NLRP7: variants seen among roughly 807,000 people sequenced by gnomAD.
The protein encoded by NLRP7 is NACHT, LRR and PYD domains-containing protein 7.
Under a neutral mutation model 85.5 loss-of-function variants are expected in NLRP7, and 72 were observed. The ratio of observed to expected loss-of-function variants is 0.84; its 90% CI spans 0.70 to 1.02. The LOEUF is 1.02. NLRP7 is among the 50% of genes least tolerant of loss of function. The pLI, the probability that NLRP7 is intolerant of heterozygous loss-of-function variation, is 0.00. For synonymous variants in NLRP7, 550 were observed against 505.2 expected (o/e 1.09, Z -1.19); for missense variants, 1,243 against 1,219.5 (o/e 1.02, Z -0.29).
chr19:54,947,786 G>C (rs571055403), upstream of NLRP7: 1 of 548,818 alleles, frequency 1.8e-6, no homozygotes, highest in East Asian at 6.8e-5. Flanking sequence ...GGTGTGATAG[G>C]CGACAGAACA....
At position 54,936,254 on chromosome 19, in the gene NLRP7, G is replaced by C. The variant is rs375636234; in HGVS notation, c.2300+7C>G. On this transcript the variant is annotated splice_region_variant and intron_variant, in intron 6 of 9. Coordinates refer to ENST00000340844, the Ensembl canonical transcript of NLRP7. ...GTGCTGGGGAGAGCCGTGACCGTGA[G>C]ACCCACCTCAGGTACTGCAGGTTGC... 6.2e-7 allele frequency: 1 copy of C among 1,612,080 alleles called. No homozygotes were observed. Among genetic ancestry groups the C allele is most frequent in the Non-Finnish European group, 8.5e-7 (1 of 1,179,376 alleles).
chr19:54,963,464 C>T (rs2070137453), intron 1 of NLRP7, among the ~76,000 whole-genome samples: 1 of 151,718 alleles, frequency 6.6e-6, no homozygotes, highest in African/African-American at 2.4e-5. Context: ...CCGAGGCGGG[C>T]GGATCACGAG....
In NLRP7 at chr19:54,938,966, TG is replaced by T. The variant is rs754876901; in HGVS notation, c.1852del (p.Gln618ArgfsTer7). 1.9e-6 allele frequency: 3 copies of T among 1,614,184 alleles called. No homozygotes were observed. The highest frequency in any genetic ancestry group is 2.5e-6 in the Non-Finnish European group (3 of 1,179,992). ...CTTTGCTACCTGCAGTGAGAGTTTC[TG>T]CAAGTCTTGACAATGCTTCAGGCTG... is the stretch of plus-strand genomic sequence containing the variant. On this transcript the variant is annotated frameshift_variant, in exon 4 of 10. Transcript: ENST00000340844. LOFTEE classifies it high-confidence loss of function.
At position 54,923,625 on chromosome 19, in the gene NLRP7, C is replaced by T. The variant is rs552908115; in HGVS notation, c.*115G>A. 38 of 1,217,664 alleles carry T rather than the reference C, an allele frequency of 3.1e-5. No homozygotes were observed. In the South Asian group the frequency reaches 4.0e-4, roughly 13 times the overall value. 75.4% of individuals were successfully genotyped at this position (1,217,664 alleles called of 1,614,324 possible). A position where few individuals can be genotyped will look rare whatever the true frequency, so the allele number is the denominator to read the frequency against. ...AATAGTGAGAAAACCAGTGTCAAAT[C>T]CTACCTCTCGACAGACTCTAGTGTT... On this transcript the variant is annotated 3_prime_UTR_variant, in exon 10 of 10. Transcript: ENST00000340844.
At chr19:54,951,550 TCAAAAAA>T (rs952527217), upstream of NLRP7, among the ~76,000 whole-genome samples, 30 of 151,718 alleles carry the variant, frequency 2.0e-4, no homozygotes, top group African/African-American at 7.0e-4. Context: ...AGACTCCATC[TCAAAAAA>T]CAAAAAACAA....
chr19:54,939,563 G>C, exon 4 of NLRP7: 1 of 1,612,586 alleles, frequency 6.2e-7, no homozygotes, highest in Non-Finnish European at 8.5e-7. Context: ...GCCCTGCGCG[G>C]CCAGGAGGCT....
At chr19:54,963,524 C>T (rs1175844105) in intron 1 of NLRP7, among the ~76,000 whole-genome samples, 1 of 151,594 alleles carries the variant, frequency 6.6e-6, no homozygotes, top group Non-Finnish European at 1.5e-5. Flanking sequence ...CCCATCTCTA[C>T]TAAAAATACA....
intron 1 of NLRP7, among the ~76,000 whole-genome samples, chr19:54,956,618 C>T (rs958945871): frequency 1.3e-5 from 2 of 149,798 alleles, no homozygotes; most frequent in Admixed American, 6.7e-5. Context: ...CACTTGAACC[C>T]GGGAGGCGGA....
intron 1 of NLRP7, among the ~76,000 whole-genome samples, chr19:54,955,431 A>G (rs1214906164): frequency 6.6e-6 from 1 of 152,224 alleles, no homozygotes; most frequent in East Asian, 1.9e-4. Context: ...AACTTTGGGC[A>G]GCCCAGGTAG....
intron 8 of NLRP7, among the ~76,000 whole-genome samples, chr19:54,930,944 A>T (rs892448853): frequency 6.6e-6 from 1 of 152,024 alleles, no homozygotes; most frequent in Non-Finnish European, 1.5e-5. Context: ...AATCGCTTGA[A>T]TCCGGGAGGC....
chr19:54,962,604 G>A, intron 1 of NLRP7, among the ~76,000 whole-genome samples: 1 of 145,132 alleles, frequency 6.9e-6, no homozygotes, highest in African/African-American at 2.5e-5. Flanking sequence ...TTTCTTTTTT[G>A]TTTGTTTGTT....
intron 8 of NLRP7, among the ~76,000 whole-genome samples, chr19:54,932,120 CTGTT>C (rs760004565): frequency 1.3e-5 from 2 of 152,052 alleles, no homozygotes; most frequent in African/African-American, 2.4e-5. Flanking sequence ...AGGTAGGTGA[CTGTT>C]TGTTTAACAA....
rs55704982 is a variant in NLRP7, at chr19:54,941,381, CAAAAAAAAAAAAAAA to C, written c.277+39_277+53del. The C allele has an allele frequency of 1.4e-3, 969 of 685,164 alleles. 15 individuals carry two copies. In the African/African-American group the frequency reaches 0.025, roughly 18 times the overall value. The allele number at this position is 685,164 out of a possible 1,614,324, so 42.4% of individuals were successfully genotyped here. A position where few individuals can be genotyped will look rare whatever the true frequency, so the allele number is the denominator to read the frequency against. ...TGGGCGACAGAACGAGACTCCATCTCAAAAAAAAAAAAAAAAAAAAAAAAATGACCAGGACACCCC... is the reference window on the plus strand; with the variant it reads ...TGGGCGACAGAACGAGACTCCATCTCAAAAAAAAAATGACCAGGACACCCC... On this transcript the variant is annotated intron_variant, in intron 2 of 9. Transcript: ENST00000340844.
chr19:54,962,706 TCTC>T (rs1183237105), intron 1 of NLRP7, among the ~76,000 whole-genome samples: 3 of 150,808 alleles, frequency 2.0e-5, no homozygotes, highest in African/African-American at 7.3e-5. Context: ...TTCACGCCAT[TCTC>T]CTGCCTCAGC....
In NLRP7 at chr19:54,934,461, G is replaced by T. The variant is rs2068809926; in HGVS notation, c.2471+28C>A. ...CTTCTATAGCCCCAGAACTAAACCA[G>T]AGCTGCCCATGGGAAGAGGAGACTT... is the stretch of plus-strand genomic sequence containing the variant. On this transcript the variant is annotated intron_variant, in intron 7 of 9. Transcript: ENST00000340844. The surrounding 1 kb of genome is among the most constrained non-coding windows in gnomAD (Gnocchi z 6.7). 6.2e-7 allele frequency: 1 copy of T among 1,612,886 alleles called. No homozygotes were observed. The highest frequency in any genetic ancestry group is 1.1e-5 in the South Asian group (1 of 91,042).
rs1035580779 is a variant in NLRP7 at position 54,945,745 on chromosome 19, C to T, written c.-40+1724G>A. On this transcript the variant is annotated intron_variant, in intron 1 of 9. Transcript: ENST00000340844. Reference sequence around the variant, plus strand: ...TCTCAAGAAGCTGGGATTACAGGCGCACCGCATCACGCCGGGCTAGTTTTT... The same window carrying T: ...TCTCAAGAAGCTGGGATTACAGGCGTACCGCATCACGCCGGGCTAGTTTTT... 2.6e-5 allele frequency among the ~76,000 whole-genome samples: 4 copies of T among 151,554 alleles called. No homozygotes were observed. The East Asian group carries it at 5.8e-4, about 22-fold the overall frequency.
rs752034667 is a variant in NLRP7 at position 54,956,200 on chromosome 19, C to CAAGG, written c.-76-8699_-76-8696dup. On this transcript the variant is annotated intron_variant, in intron 1 of 2. Transcript: ENST00000587103. Reference sequence around the variant, plus strand: ...GGGAAAGGAAGTCAGTCTTGTGGGACAAGGAAGGAAGGAAGGAAGTCAGTC... The same window carrying CAAGG: ...GGGAAAGGAAGTCAGTCTTGTGGGACAAGGAAGGAAGGAAGGAAGGAAGTCAGTC... Among the ~76,000 whole-genome samples, 23 of 151,568 alleles carry CAAGG rather than the reference C, an allele frequency of 1.5e-4. No individual in the cohort carries two copies. The East Asian group carries it at 3.9e-3, about 26-fold the overall frequency.
intron 1 of NLRP7, among the ~76,000 whole-genome samples, chr19:54,956,203 G>A (rs2069848126): frequency 6.6e-6 from 1 of 151,722 alleles, no homozygotes; most frequent in African/African-American, 2.4e-5. Context: ...TGTGGGACAA[G>A]GAAGGAAGGA....
At chr19:54,955,118 C>T (rs1395984404) in intron 1 of NLRP7, among the ~76,000 whole-genome samples, 2 of 151,922 alleles carry the variant, frequency 1.3e-5, no homozygotes, top group East Asian at 1.9e-4. Flanking sequence ...ACCTGAGGTC[C>T]GAAGTTTGAG....
Sources: allele counts gnomAD v4.1 joint callset (sites outside exome capture counted in the v4.1 genomes callset), GRCh38; gene constraint gnomAD v4.1.1; non-coding constraint Gnocchi (gnomAD v3.1); transcripts MANE v1.5; gene names NCBI Gene and HGNC (gene_info 2026-07-23, HGNC 2026-07-21).